Variants in NECTIN1 observed in about 807,000 individuals in gnomAD.
NECTIN1 encodes nectin-1.
NECTIN1 carries 23 observed loss-of-function variants against 48.0 expected under a neutral mutation model. That is an observed-to-expected ratio of 0.48 (90% CI 0.34 to 0.68). The LOEUF (loss-of-function observed/expected upper bound fraction) is 0.68, where lower values mean the gene tolerates loss of function less well. NECTIN1 is among the 30% of genes least tolerant of loss of function. NECTIN1 has a pLI of 0.01. For missense variants in NECTIN1, 591 were observed against 709.9 expected, an observed-to-expected ratio of 0.83 and a Z score of 1.90; for synonymous variants, 270 against 288.9, an observed-to-expected ratio of 0.93 and a Z score of 0.66.
rs542756522 is a variant in NECTIN1, at chr11:119,704,064, C to T, written c.79+24411G>A. Among the ~76,000 whole-genome samples, 7 of 152,302 alleles carry T rather than the reference C, an allele frequency of 4.6e-5. 1 individual carries two copies. Among genetic ancestry groups the T allele is most frequent in the South Asian group, 4.1e-4 (2 of 4,826 alleles). On this transcript the variant is annotated intron_variant, in intron 1 of 5. Coordinates refer to ENST00000264025, the MANE Select transcript of NECTIN1 (RefSeq NM_002855.5). The stretch of plus-strand genomic sequence containing the variant: ...ATCTCCCCAGCTTTACCCAGGAACA[C>T]GGTTCTCCGGGCAAGAAGCTGCCTC...
chr11:119,695,733 C>G (rs921957989), intron 1 of NECTIN1, among the ~76,000 whole-genome samples: 3 of 152,180 alleles, frequency 2.0e-5, no homozygotes, highest in Non-Finnish European at 4.4e-5. Context: ...AAGAGAAAGG[C>G]TGATGGGCTG....
chr11:119,694,331 G>A (rs79289906), intron 1 of NECTIN1, among the ~76,000 whole-genome samples: 7,109 of 152,228 alleles, frequency 0.047, 385 homozygotes, highest in African/African-American at 0.13. Flanking sequence ...TCATGGCCCA[G>A]GAGCACCTGG....
chr11:119,674,494 T>C (rs1864913782), intron 5 of NECTIN1: 1 of 1,612,022 alleles, frequency 6.2e-7, no homozygotes, highest in Non-Finnish European at 8.5e-7. Flanking sequence ...TACATCATAC[T>C]GTCCCCGTTT....
chr11:119,685,412 C>T lies in NECTIN1; in HGVS notation c.80-6647G>A, dbSNP rs538558478. On this transcript the variant is annotated intron_variant, in intron 1 of 5. Coordinates refer to ENST00000264025, the MANE Select transcript of NECTIN1 (RefSeq NM_002855.5). ...CCTGGGAAAAGCCCCGAGAAGGAGG[C>T]AGCGCAGGAGCCCAGGATCTTCCAG... Among the ~76,000 whole-genome samples, 9 of 152,342 alleles carry T rather than the reference C, an allele frequency of 5.9e-5. 2 individuals are homozygous for T. The South Asian group carries it at 1.9e-3, about 32-fold the overall frequency.
intron 1 of NECTIN1, among the ~76,000 whole-genome samples, chr11:119,719,160 G>T (rs1246845131): frequency 1.3e-5 from 2 of 152,164 alleles, no homozygotes; most frequent in African/African-American, 4.8e-5. Flanking sequence ...TTCAACCTGC[G>T]CCAAGACTCT....
At chr11:119,679,178 C>T (rs1865016628) in intron 1 of NECTIN1, among the ~76,000 whole-genome samples, 1 of 152,154 alleles carries the variant, frequency 6.6e-6, no homozygotes, top group African/African-American at 2.4e-5. Flanking sequence ...CGAGCAGAGC[C>T]CCAGCCTAGG....
chr11:119,717,898 G>C (rs1230944874), intron 1 of NECTIN1, among the ~76,000 whole-genome samples: 6 of 152,242 alleles, frequency 3.9e-5, no homozygotes, highest in Non-Finnish European at 8.8e-5. Context: ...GCACTTCCTA[G>C]GTGCAGGGCA....
intron 1 of NECTIN1, among the ~76,000 whole-genome samples, chr11:119,702,557 C>T (rs1865476074): frequency 6.6e-6 from 1 of 150,724 alleles, no homozygotes; most frequent in Non-Finnish European, 1.5e-5. Context: ...CCTTCTAGTC[C>T]TACCTCACCA....
Position 119,672,650 on chromosome 11 carries a change from C to T in NECTIN1, c.1003+2509G>A, listed in dbSNP as rs1349701100. ...TCAGTCTAACCCACACACCTCGCCACGGTGCTTCCTGGCTGAGAGCCCTTC... is the reference window on the plus strand; with the variant it reads ...TCAGTCTAACCCACACACCTCGCCATGGTGCTTCCTGGCTGAGAGCCCTTC... On this transcript the variant is annotated intron_variant, in intron 5 of 5. Coordinates refer to ENST00000264025, the MANE Select transcript of NECTIN1 (RefSeq NM_002855.5). The surrounding 1 kb of genome is among the most constrained non-coding windows in gnomAD (Gnocchi z 4.3). 3.3e-5 allele frequency among the ~76,000 whole-genome samples: 5 copies of T among 152,310 alleles called. No individual in the cohort carries two copies. Among genetic ancestry groups the T allele is most frequent in the Non-Finnish European group, 4.4e-5 (3 of 68,018 alleles).
rs1865012786 is a variant in NECTIN1 at position 119,678,961 on chromosome 11, T to C, written c.80-196A>G. On this transcript the variant is annotated intron_variant, in intron 1 of 5. Transcript: ENST00000264025. The surrounding 1 kb of genome is among the most constrained non-coding windows in gnomAD (Gnocchi z 4.4). ...ATGAGAAGAAAGTGACAACATCCCA[T>C]GATCCTTCCGCTCAGGATAATCTTG... is the stretch of plus-strand genomic sequence containing the variant. Among the ~76,000 whole-genome samples, 1 of 152,234 alleles carries C rather than the reference T, an allele frequency of 6.6e-6. No individual in the cohort carries two copies. Among genetic ancestry groups the C allele is most frequent in the Non-Finnish European group, 1.5e-5 (1 of 68,038 alleles).
intron 1 of NECTIN1, among the ~76,000 whole-genome samples, chr11:119,701,607 C>T (rs963693891): frequency 3.3e-5 from 5 of 152,024 alleles, no homozygotes; most frequent in Admixed American, 2.0e-4. Flanking sequence ...AAAGCCCAAA[C>T]CTGGCCTCTC....
chr11:119,660,482 G>T (rs1455530356), downstream of NECTIN1, among the ~76,000 whole-genome samples: 1 of 152,146 alleles, frequency 6.6e-6, no homozygotes, highest in Non-Finnish European at 1.5e-5. Flanking sequence ...GAAGATGAAA[G>T]GATAAAGCTC....
At position 119,665,723 on chromosome 11, in the gene NECTIN1, T is replaced by A. The variant is rs1181857753; in HGVS notation, c.1004-426A>T. On this transcript the variant is annotated intron_variant, in intron 5 of 5. Transcript: ENST00000264025. The surrounding 1 kb of genome is among the most constrained non-coding windows in gnomAD (Gnocchi z 5.1). The stretch of plus-strand genomic sequence containing the variant: ...ATTGGATATCTGAGGAGCTGAGGCT[T>A]GCAGAGGTTAAAGAACTTGCCTGAG... 6.6e-6 allele frequency among the ~76,000 whole-genome samples: 1 copy of A among 152,154 alleles called. No homozygotes were observed.
At position 119,640,003 on chromosome 11, in the gene NECTIN1, C is replaced by T. The variant is rs749025183; in HGVS notation, c.1013G>A (p.Arg338His). The T allele has an allele frequency of 2.8e-5, 45 of 1,611,614 alleles. No individual in the cohort carries two copies. In the Admixed American group the frequency reaches 2.9e-4, roughly 10 times the overall value. The change falls in exon 6 of 8, where the codon CGC becomes CAC. Residue 338 changes from arginine to histidine, a missense_variant. Physicochemically the swap from Arg to His is conservative, Grantham distance 29. Transcript: ENST00000341398. ...TGCACTTCCCAGACCCCTCTGGGGG[C>T]GGGGCTTTTCTGGAAACAAAAGACA...
chr11:119,650,418 G>T (rs766200619), intron 5 of NECTIN1, among the ~76,000 whole-genome samples: 2 of 152,104 alleles, frequency 1.3e-5, no homozygotes, highest in African/African-American at 4.8e-5. Flanking sequence ...TCATGAGCCC[G>T]GCCTGCCTCT....
intron 1 of NECTIN1, among the ~76,000 whole-genome samples, chr11:119,703,013 A>G (rs781275573): frequency 6.6e-6 from 1 of 152,202 alleles, no homozygotes; most frequent in African/African-American, 2.4e-5. Flanking sequence ...CACACTTAAA[A>G]AGCATATTCA....
intron 1 of NECTIN1, among the ~76,000 whole-genome samples, chr11:119,691,104 T>C (rs1865244931): frequency 6.6e-6 from 1 of 152,040 alleles, no homozygotes; most frequent in Admixed American, 6.5e-5. Context: ...ACCAAAAGCA[T>C]TCTCCCCAAC....
intron 5 of NECTIN1, chr11:119,654,322 AG>A (rs1295301831): frequency 3.9e-5 from 6 of 152,134 alleles, no homozygotes; most frequent in African/African-American, 1.4e-4. Context: ...TCTTGCCCTC[AG>A]AAGTTTAACC....
chr11:119,684,975 TG>T lies in NECTIN1; in HGVS notation c.80-6211del, dbSNP rs535913205. Among the ~76,000 whole-genome samples the T allele has an allele frequency of 9.5e-4, 144 of 152,050 alleles. 2 individuals carry two copies. The highest frequency in any genetic ancestry group is 3.3e-3 in the African/African-American group (137 of 41,480). ...TCCAGACTCCCCTCTACACTCAGGA[TG>T]GGGAGGAGGGCTCAGCAAGGAAGCA... On this transcript the variant is annotated intron_variant, in intron 1 of 5. Transcript: ENST00000264025. This position sits in a 1 kb window ranked among gnomAD's most constrained non-coding sequence, Gnocchi z 5.2.
Sources: allele counts gnomAD v4.1 joint callset (sites outside exome capture counted in the v4.1 genomes callset), GRCh38; gene constraint gnomAD v4.1.1; non-coding constraint Gnocchi (gnomAD v3.1); transcripts MANE v1.5; gene names NCBI Gene and HGNC (gene_info 2026-07-23, HGNC 2026-07-21).